SLC14A2: variants seen among roughly 807,000 people sequenced by gnomAD.
The protein encoded by SLC14A2 is urea transporter 2.
A neutral mutation model predicts 104.6 loss-of-function variants in SLC14A2; 91 were observed. The observed-to-expected ratio is 0.87, with a 90% CI of 0.73 to 1.04. The LOEUF (loss-of-function observed/expected upper bound fraction) is 1.04, where lower values mean the gene tolerates loss of function less well. Among genes scored for constraint, SLC14A2 ranks in the 50% least tolerant of loss-of-function variants. The pLI is 0.00. For missense variants in SLC14A2, 1,189 were observed against 1,156.0 expected (o/e 1.03, Z -0.41); for synonymous variants, 476 against 466.4 (o/e 1.02, Z -0.27).
chr18:45,346,105 T>C (rs2085445168), intron 1 of SLC14A2, among the ~76,000 whole-genome samples: 1 of 152,220 alleles, frequency 6.6e-6, no homozygotes, highest in African/African-American at 2.4e-5. Context: ...GATCTGTATT[T>C]TCTCTTCTAT....
At chr18:45,374,974 T>G (rs765575744) in intron 1 of SLC14A2, among the ~76,000 whole-genome samples, 5 of 152,166 alleles carry the variant, frequency 3.3e-5, no homozygotes, top group Non-Finnish European at 7.3e-5. Context: ...CATACTTGAA[T>G]AAATAAAGCC....
chr18:45,168,742 G>T, the SLC14A2 span: 1 of 151,760 alleles, frequency 6.6e-6, no homozygotes, highest in African/African-American at 2.4e-5. Context: ...GCATTGTTTT[G>T]GTGGAAAAGG....
At position 45,624,689 on chromosome 18, in the gene SLC14A2, C is replaced by T; in HGVS notation, c.25C>T (p.Leu9Phe). Residue 9 changes from leucine to phenylalanine, a missense_variant, in exon 2 of 20, where the codon CTC (leucine) becomes TTC (phenylalanine). Leu to Phe is a conservative substitution (Grantham distance 22). Transcript: ENST00000255226. ...AATGTCTGACCCCCACAGCAGTCCT[C>T]TCCTGCCAGAGCCACTTTCCAGCAG... MSDPHSSP[L>F]LPEPLSSRYK... is the part of the protein sequence containing the mutation. 1 of 1,613,154 alleles carries T rather than the reference C, an allele frequency of 6.2e-7. No homozygotes were observed. Among genetic ancestry groups the T allele is most frequent in the Non-Finnish European group, 8.5e-7 (1 of 1,179,616 alleles).
At chr18:45,307,435 A>C (rs1433705075) in intron 1 of SLC14A2, among the ~76,000 whole-genome samples, 1 of 108,372 alleles carries the variant, frequency 9.2e-6, no homozygotes, top group East Asian at 2.4e-4. Flanking sequence ...AAAAAAAAAA[A>C]CCAAAAAACC....
intron 1 of SLC14A2, among the ~76,000 whole-genome samples, chr18:45,269,873 G>GT (rs1475000346): frequency 6.6e-6 from 1 of 152,202 alleles, no homozygotes; most frequent in East Asian, 1.9e-4. Context: ...TATTTATCAT[G>GT]TATTAGAGAG....
chr18:45,529,634 A>G (rs990999910), intron 2 of SLC14A2: 2 of 152,240 alleles, frequency 1.3e-5, no homozygotes, highest in Admixed American at 6.5e-5. Context: ...GTCCTGTTAC[A>G]TTGAGGCCCA....
the SLC14A2 span, among the ~76,000 whole-genome samples, chr18:45,206,167 T>C: frequency 6.6e-6 from 1 of 152,198 alleles, no homozygotes; most frequent in African/African-American, 2.4e-5. Flanking sequence ...GTAGACCAGA[T>C]GGTGATGAAA....
At chr18:45,667,215 T>G in intron 13 of SLC14A2, 121 bp downstream of exon 13, 1 of 701,734 alleles carries the variant, frequency 1.4e-6, no homozygotes, top group East Asian at 2.7e-5. Flanking sequence ...TGCACTCTGT[T>G]ACTGTGGTCT....
chr18:45,255,083 C>G (rs2084462710), intron 1 of SLC14A2, among the ~76,000 whole-genome samples: 1 of 152,172 alleles, frequency 6.6e-6, no homozygotes, highest in African/African-American at 2.4e-5. Context: ...TCACCATACT[C>G]ACTTCCATTT....
At chr18:45,286,224 C>A (rs1050043713) in intron 1 of SLC14A2, among the ~76,000 whole-genome samples, 19 of 152,202 alleles carry the variant, frequency 1.2e-4, no homozygotes, top group African/African-American at 4.3e-4. Context: ...TTACTGTTAG[C>A]ATCCTCTTTA....
At chr18:45,366,763 A>G (rs1008225240) in intron 1 of SLC14A2, among the ~76,000 whole-genome samples, 2 of 152,204 alleles carry the variant, frequency 1.3e-5, no homozygotes, top group Non-Finnish European at 2.9e-5. Flanking sequence ...GAACTGGCTC[A>G]GCTGGTATCT....
chr18:45,233,100 T>C (rs1599594963), intron 1 of SLC14A2, among the ~76,000 whole-genome samples: 1 of 152,318 alleles, frequency 6.6e-6, no homozygotes, highest in South Asian at 2.1e-4. Context: ...AGTTTCACTC[T>C]AGGTAACAAC....
intron 2 of SLC14A2, among the ~76,000 whole-genome samples, chr18:45,541,774 A>G (rs2043886988): frequency 1.3e-5 from 2 of 152,172 alleles, no homozygotes; most frequent in South Asian, 2.1e-4. Context: ...GTCAGAGCCT[A>G]TGAGGTCACT....
rs2045363356 is a variant in SLC14A2, at chr18:45,632,619, C to T, written c.650+141C>T. 4.8e-6 allele frequency: 4 copies of T among 835,770 alleles called. No individual in the cohort carries two copies. The South Asian group carries it at 5.1e-5, about 11-fold the overall frequency. The allele number at this position is 835,770 out of a possible 1,614,324, so 51.8% of individuals were successfully genotyped here. A position where few individuals can be genotyped will look rare whatever the true frequency, so the allele number is the denominator to read the frequency against. ...TTAGCTTGTCTGACACCATGAAAGC[C>T]CATGAGTTCTCTTGTAACACAAGGG... On this transcript the variant is annotated intron_variant, in intron 5 of 19. Coordinates refer to ENST00000255226, the MANE Select transcript of SLC14A2 (RefSeq NM_007163.4).
intron 10 of SLC14A2, among the ~76,000 whole-genome samples, chr18:45,648,195 CTTTT>C (rs59843067): frequency 9.9e-6 from 1 of 101,246 alleles, no homozygotes; most frequent in Non-Finnish European, 1.9e-5. Flanking sequence ...CTAGTTAATG[CTTTT>C]TTTTTTTTTT....
At chr18:45,283,466 C>T (rs550311491) in intron 1 of SLC14A2, among the ~76,000 whole-genome samples, 27 of 147,692 alleles carry the variant, frequency 1.8e-4, no homozygotes, top group African/African-American at 7.0e-4. Context: ...CGTTGAGTCT[C>T]CTAATTGATA....
At chr18:45,673,606 C>G (rs1279403631) in intron 17 of SLC14A2, 77 bp from the exon 18 acceptor site, 1 of 1,515,532 alleles carries the variant, frequency 6.6e-7, no homozygotes, top group Admixed American at 1.8e-5. Flanking sequence ...GCTTTGAGGA[C>G]TGTGGTAGGT....
intron 1 of SLC14A2, among the ~76,000 whole-genome samples, chr18:45,356,294 C>T (rs1348706820): frequency 6.6e-6 from 1 of 152,168 alleles, no homozygotes; most frequent in Admixed American, 6.5e-5. Flanking sequence ...AAAATGAGAT[C>T]ATGGATATAG....
At chr18:45,298,878 C>T (rs1431481956) in intron 1 of SLC14A2, among the ~76,000 whole-genome samples, 1 of 151,956 alleles carries the variant, frequency 6.6e-6, no homozygotes, top group East Asian at 1.9e-4. Flanking sequence ...CTTTCTCATT[C>T]TCAAGGAAGA....
Sources: allele counts gnomAD v4.1 joint callset (sites outside exome capture counted in the v4.1 genomes callset), GRCh38; gene constraint gnomAD v4.1.1; transcripts MANE v1.5; gene names NCBI Gene and HGNC (gene_info 2026-07-23, HGNC 2026-07-21).